TMEM156: variants seen among roughly 807,000 people sequenced by gnomAD.
TMEM156 encodes the protein transmembrane protein 156.
In TMEM156, 28 loss-of-function variants were observed where a neutral mutation model predicts 30.5. The observed-to-expected ratio is 0.92, with a 90% CI of 0.68 to 1.26. The LOEUF is 1.26. Among genes scored for constraint, TMEM156 ranks in the 50% most tolerant of loss-of-function variants. The pLI, the probability that TMEM156 is intolerant of heterozygous loss-of-function variation, is 0.00. For missense variants in TMEM156, 351 were observed against 340.6 expected (o/e 1.03, Z -0.24); for synonymous variants, 137 against 119.9 (o/e 1.14, Z -0.93).
intron 5 of TMEM156, among the ~76,000 whole-genome samples, chr4:38,975,168 G>A (rs2109868549): frequency 6.6e-6 from 1 of 152,056 alleles, no homozygotes; most frequent in Middle Eastern, 3.4e-3. Context: ...GACAAAGAGG[G>A]GAAAATGAGA....
At chr4:38,984,460 C>T (rs975628884) in intron 5 of TMEM156, among the ~76,000 whole-genome samples, 8 of 148,852 alleles carry the variant, frequency 5.4e-5, no homozygotes, top group African/African-American at 2.0e-4. Context: ...TGACAACAAG[C>T]TGCTTCTGCT....
chr4:38,980,222 G>A (rs999186095), intron 5 of TMEM156, among the ~76,000 whole-genome samples: 1 of 150,462 alleles, frequency 6.6e-6, no homozygotes, highest in Non-Finnish European at 1.5e-5. Context: ...ACTGACAGCT[G>A]CCAATATTCT....
intron 3 of TMEM156, among the ~76,000 whole-genome samples, chr4:38,990,842 T>TGTTTTGTTTTG (rs1560365395): frequency 1.9e-4 from 25 of 132,928 alleles, no homozygotes; most frequent in Non-Finnish European, 3.3e-4. Context: ...TTTTTTTTTT[T>TGTTTTGTTTTG]TTTTTTTTTT....
Position 38,989,662 on chromosome 4 carries a change from G to A in TMEM156, c.620-692C>T, listed in dbSNP as rs571126515. 7.2e-5 allele frequency among the ~76,000 whole-genome samples: 11 copies of A among 152,282 alleles called. No homozygotes were observed. In the South Asian group the frequency reaches 2.3e-3, roughly 32 times the overall value. On this transcript the variant is annotated intron_variant, in intron 3 of 6. Coordinates refer to ENST00000381938, the MANE Select transcript of TMEM156 (RefSeq NM_024943.3). ...CACCATGCAGCAGTAGCTTAGCACGGTCTCCCATGGTCTCATAAAGACACA... is the reference window on the plus strand; with the variant it reads ...CACCATGCAGCAGTAGCTTAGCACGATCTCCCATGGTCTCATAAAGACACA...
At chr4:38,976,643 C>T (rs1415203866) in intron 5 of TMEM156, among the ~76,000 whole-genome samples, 5 of 152,130 alleles carry the variant, frequency 3.3e-5, no homozygotes, top group South Asian at 2.1e-4. Context: ...TAATTGGTTA[C>T]ACAACAACAG....
At chr4:39,013,178 G>A (rs1289478390) in intron 1 of TMEM156, among the ~76,000 whole-genome samples, 1 of 151,448 alleles carries the variant, frequency 6.6e-6, no homozygotes, top group Non-Finnish European at 1.5e-5. Flanking sequence ...GCACATGCCT[G>A]TAGTCCCAGC....
At chr4:38,995,727 CATAA>C (rs1346012607) in intron 2 of TMEM156, among the ~76,000 whole-genome samples, 14 of 152,196 alleles carry the variant, frequency 9.2e-5, no homozygotes, top group Admixed American at 9.2e-4. Flanking sequence ...AAAATAAATA[CATAA>C]ATAAATAATT....
intron 1 of TMEM156, among the ~76,000 whole-genome samples, chr4:39,010,786 G>T (rs1275253069): frequency 1.3e-5 from 2 of 152,120 alleles, no homozygotes; most frequent in African/African-American, 2.4e-5. Context: ...AGATCTAAAT[G>T]TAAGACCTCA....
intron 1 of TMEM156, among the ~76,000 whole-genome samples, chr4:39,007,212 T>C (rs1205001312): frequency 6.6e-6 from 1 of 152,172 alleles, no homozygotes; most frequent in Non-Finnish European, 1.5e-5. Flanking sequence ...ATACAAGCTC[T>C]TATATCTGAG....
intron 5 of TMEM156, among the ~76,000 whole-genome samples, chr4:38,971,519 A>G (rs1316715550): frequency 3.9e-5 from 6 of 152,192 alleles, no homozygotes; most frequent in Non-Finnish European, 8.8e-5. Flanking sequence ...CTCAGGGACA[A>G]TTTTACCAAG....
chr4:39,032,151 C>G, intron 1 of TMEM156, 75 bp downstream of exon 1: 1 of 915,066 alleles, frequency 1.1e-6, no homozygotes, highest in East Asian at 2.6e-5. Context: ...AAAAGAGGAT[C>G]TTTTCTGTAA....
intron 3 of TMEM156, among the ~76,000 whole-genome samples, chr4:38,989,638 A>G (rs35661448): frequency 0.064 from 9,815 of 152,234 alleles, 410 homozygotes; most frequent in African/African-American, 0.11. Context: ...AAGGATGTTC[A>G]CCATGCAGCA....
At chr4:39,019,043 A>C (rs1213725665) in intron 1 of TMEM156, among the ~76,000 whole-genome samples, 1 of 151,010 alleles carries the variant, frequency 6.6e-6, no homozygotes. Flanking sequence ...CAAAAAAAAA[A>C]AAAAAACCTC....
chr4:38,968,113 A>G (rs978287165), intron 6 of TMEM156, among the ~76,000 whole-genome samples: 4 of 152,194 alleles, frequency 2.6e-5, no homozygotes, highest in African/African-American at 9.6e-5. Flanking sequence ...CTAAGAAGAC[A>G]TTGTGCTCAG....
At chr4:38,969,477 T>C (rs1722496017) in intron 6 of TMEM156, among the ~76,000 whole-genome samples, 1 of 152,284 alleles carries the variant, frequency 6.6e-6, no homozygotes, top group African/African-American at 2.4e-5. Flanking sequence ...ATTCACCTGT[T>C]GATGGGCACT....
chr4:39,006,901 C>T (rs930715449), intron 1 of TMEM156, among the ~76,000 whole-genome samples: 1 of 152,152 alleles, frequency 6.6e-6, no homozygotes, highest in Non-Finnish European at 1.5e-5. Context: ...CATGATCATA[C>T]CACTGCAGTC....
intron 5 of TMEM156, among the ~76,000 whole-genome samples, chr4:38,981,750 C>T (rs772427336): frequency 9.9e-5 from 15 of 152,114 alleles, no homozygotes; most frequent in East Asian, 7.7e-4. Flanking sequence ...ACAGAACATA[C>T]GGAAGGTGCT....
At chr4:39,008,201 T>C (rs376169200) in intron 1 of TMEM156, among the ~76,000 whole-genome samples, 176 of 152,300 alleles carry the variant, frequency 1.2e-3, no homozygotes, top group African/African-American at 3.8e-3. Context: ...TGCTTGCTCC[T>C]GATTTTAAGA....
chr4:38,986,465 A>G (rs1309982075), intron 4 of TMEM156, 46 bp from the exon 5 acceptor site: 2 of 1,367,668 alleles, frequency 1.5e-6, no homozygotes, highest in Admixed American at 1.7e-5. Flanking sequence ...AAACAAGCGC[A>G]TTGTTAACAT....
Sources: gnomAD v4.1 joint callset for allele counts (sites outside exome capture counted in the v4.1 genomes callset) on GRCh38, gnomAD v4.1.1 for gene constraint, MANE v1.5 for transcripts, NCBI Gene and HGNC (gene_info 2026-07-23, HGNC 2026-07-21) for gene names.